Variants in ALDH7A1 observed in about 807,000 individuals in gnomAD.
ALDH7A1 encodes the protein alpha-aminoadipic semialdehyde dehydrogenase.
ALDH7A1 carries 63 observed loss-of-function variants against 79.9 expected under a neutral mutation model. The ratio of observed to expected loss-of-function variants is 0.79; its 90% CI spans 0.64 to 0.97. The LOEUF is 0.97. Among genes scored for constraint, ALDH7A1 ranks in the 50% least tolerant of loss-of-function variants. The pLI, the probability that ALDH7A1 is intolerant of heterozygous loss-of-function variation, is 0.00. For missense variants in ALDH7A1, 627 were observed against 665.2 expected, an observed-to-expected ratio of 0.94 and a Z score of 0.63; for synonymous variants, 240 against 231.2, an observed-to-expected ratio of 1.04 and a Z score of -0.34.
At chr5:126,593,162 A>G (rs574955368) in intron 2 of ALDH7A1, among the ~76,000 whole-genome samples, 189 bp downstream of exon 2, 1 of 152,328 alleles carries the variant, frequency 6.6e-6, no homozygotes, top group Admixed American at 6.5e-5. Flanking sequence ...AAGAGAGGAC[A>G]GTCTCCCCCA....
rs564440097 is a variant in ALDH7A1, at chr5:126,583,396, G to A, written c.394-422C>T. Among the ~76,000 whole-genome samples the A allele has an allele frequency of 1.2e-3, 186 of 152,034 alleles. 1 individual carries two copies. Among genetic ancestry groups the A allele is most frequent in the Non-Finnish European group, 2.0e-3 (135 of 67,984 alleles). On this transcript the variant is annotated intron_variant, in intron 4 of 17. Transcript: ENST00000409134. ...CTCGGGAGGCTGAGGCAGGAGAATC[G>A]CTTGAACCCAGGAGGGGGAGGTTGC... is the stretch of plus-strand genomic sequence containing the variant.
chr5:126,548,894 T>TAA (rs33926729), intron 16 of ALDH7A1, among the ~76,000 whole-genome samples: 31 of 93,370 alleles, frequency 3.3e-4, no homozygotes, highest in Middle Eastern at 6.8e-3. Context: ...GGCCTGTTTC[T>TAA]AAAAAAAAAA....
Position 126,565,551 on chromosome 5 carries a change from G to A in ALDH7A1, c.871+2708C>T, listed in dbSNP as rs368176903. 5.3e-5 allele frequency among the ~76,000 whole-genome samples: 8 copies of A among 151,954 alleles called. No homozygotes were observed. In the East Asian group the frequency reaches 7.7e-4, roughly 15 times the overall value. ...GACTTACAAACATTTTCTGCCATTC[G>A]GTAGGTTGTTCTTTTCACTTTTTCC... is the stretch of plus-strand genomic sequence containing the variant. On this transcript the variant is annotated intron_variant, in intron 9 of 17. Coordinates refer to ENST00000409134, the MANE Select transcript of ALDH7A1 (RefSeq NM_001182.5).
chr5:126,594,662 T>C (rs1298067039), intron 1 of ALDH7A1, among the ~76,000 whole-genome samples: 2 of 151,864 alleles, frequency 1.3e-5, no homozygotes, highest in East Asian at 1.9e-4. Context: ...GTCAGGCTGG[T>C]CTTGAACTCG....
In ALDH7A1 at chr5:126,595,056, C is replaced by T. The variant is rs920495967; in HGVS notation, c.143G>A (p.Arg48His). ...ATTATACACGCCCTCGTTTTCCTCG[C>T]GGAGCCCCAGCTCTTTCAGCCACGC... ...QYAWLKELGL[R>H]EENEGVYNGS... Residue 48 changes from arginine (R) to histidine (H), a missense_variant, in exon 1 of 18, where the codon CGC becomes CAC. Transcript: ENST00000409134. 3.1e-6 allele frequency: 5 copies of T among 1,609,896 alleles called. No individual in the cohort carries two copies. The highest frequency in any genetic ancestry group is 4.2e-6 in the Non-Finnish European group (5 of 1,178,328).
intron 2 of ALDH7A1, among the ~76,000 whole-genome samples, chr5:126,593,142 G>A (rs751937938): frequency 4.0e-5 from 6 of 151,724 alleles, no homozygotes; most frequent in Admixed American, 1.3e-4. Context: ...TCCTTTTCAC[G>A]CCCCCACCCA....
At position 126,543,964 on chromosome 5, in the gene ALDH7A1, C is replaced by CTTTTTTTTT. The variant is rs60217601; in HGVS notation, c.*992_*1000dup. 1.6e-5 allele frequency: 2 copies of CTTTTTTTTT among 122,062 alleles called. No individual in the cohort carries two copies. The highest frequency in any genetic ancestry group is 3.3e-5 in the Non-Finnish European group (2 of 59,962). The allele number at this position is 122,062 out of a possible 1,614,324, so 7.6% of individuals were successfully genotyped here. On this transcript the variant is annotated 3_prime_UTR_variant, in exon 18 of 18. Coordinates refer to ENST00000409134, the MANE Select transcript of ALDH7A1 (RefSeq NM_001182.5). ...GGTTGTATAAAAAAATCCAGATGCA[C>CTTTTTTTTT]TTTTTTTTTTTTTTTTTTTTGTAGA...
At chr5:126,583,099 T>G (rs1751229854) in intron 4 of ALDH7A1, 125 bp from the exon 5 acceptor site, 19 of 1,228,760 alleles carry the variant, frequency 1.5e-5, no homozygotes, top group Middle Eastern at 4.4e-4. Context: ...TCTGTTTCAT[T>G]TTCCAAAGAA....
chr5:126,585,374 C>A (rs757624635), intron 3 of ALDH7A1, among the ~76,000 whole-genome samples: 2 of 152,118 alleles, frequency 1.3e-5, no homozygotes, highest in Non-Finnish European at 2.9e-5. Context: ...GCCAATCACA[C>A]CCTCCCCCTA....
At chr5:126,570,950 T>C (rs1750749587) in intron 7 of ALDH7A1, 91 bp from the exon 8 acceptor site, 1 of 1,238,684 alleles carries the variant, frequency 8.1e-7, no homozygotes, top group Non-Finnish European at 1.2e-6. Flanking sequence ...TCTCCTTTTT[T>C]CAACTTTCTC....
At position 126,582,953 on chromosome 5, in the gene ALDH7A1, T is replaced by G. The variant is rs772989605; in HGVS notation, c.415A>C (p.Ile139Leu). ...GSLVSLEMGK[I>L]LVEGVGEVQE... ...ACTTCACCCACACCTTCCACTAAGA[T>G]TTTCCCCATCTCCAAAGACACCTAG... Residue 139 changes from isoleucine to leucine, a missense_variant, in exon 5 of 18, where the codon ATC (isoleucine) becomes CTC (leucine). By Grantham distance (5) the Ile-to-Leu change is conservative. Coordinates refer to ENST00000409134, the MANE Select transcript of ALDH7A1 (RefSeq NM_001182.5). 5 of 1,613,934 alleles carry G rather than the reference T, an allele frequency of 3.1e-6. No individual in the cohort carries two copies. Among genetic ancestry groups the G allele is most frequent in the Non-Finnish European group, 2.5e-6 (3 of 1,179,948 alleles).
intron 3 of ALDH7A1, among the ~76,000 whole-genome samples, chr5:126,585,118 T>C (rs1674704146): frequency 6.6e-6 from 1 of 151,954 alleles, no homozygotes; most frequent in Non-Finnish European, 1.5e-5. Context: ...GCCAACATGG[T>C]GAAACCCCAT....
At chr5:126,574,431 C>T (rs188625325) in intron 7 of ALDH7A1, among the ~76,000 whole-genome samples, 1 of 149,840 alleles carries the variant, frequency 6.7e-6, no homozygotes, top group Non-Finnish European at 1.5e-5. Context: ...CGTGGTGGCT[C>T]ATGCCTGTAA....
At chr5:126,593,633 A>C in intron 1 of ALDH7A1, 1 of 624,374 alleles carries the variant, frequency 1.6e-6, no homozygotes, top group East Asian at 2.8e-5. Context: ...CTGACATCTC[A>C]ATATTAGGCA....
chr5:126,559,728 C>T (rs898536075), intron 10 of ALDH7A1, among the ~76,000 whole-genome samples: 14 of 152,056 alleles, frequency 9.2e-5, no homozygotes, highest in African/African-American at 3.4e-4. Context: ...CCACTGTGCC[C>T]GGCAAACGTT....
chr5:126,566,883 A>G (rs1750601241), intron 9 of ALDH7A1, among the ~76,000 whole-genome samples: 2 of 152,218 alleles, frequency 1.3e-5, no homozygotes, highest in South Asian at 4.1e-4. Flanking sequence ...TTAATTTGCC[A>G]AATAGGACTA....
chr5:126,583,407 G>A (rs1419938563), intron 4 of ALDH7A1, among the ~76,000 whole-genome samples: 1 of 152,028 alleles, frequency 6.6e-6, no homozygotes, highest in Non-Finnish European at 1.5e-5. Context: ...CTTGAACCCA[G>A]GAGGGGGAGG....
intron 1 of ALDH7A1, chr5:126,594,368 A>T: frequency 2.3e-6 from 1 of 438,944 alleles, no homozygotes; most frequent in South Asian, 1.6e-5. Flanking sequence ...GCTCTAAATT[A>T]AGATCAGTTG....
At chr5:126,568,147 A>G (rs180731894) in intron 9 of ALDH7A1, 112 bp downstream of exon 9, 1 of 974,854 alleles carries the variant, frequency 1.0e-6, no homozygotes, top group East Asian at 2.4e-5. Flanking sequence ...ATTCAAATAA[A>G]CATGACCACT....
Sources: allele counts gnomAD v4.1 joint callset (sites outside exome capture counted in the v4.1 genomes callset), GRCh38; gene constraint gnomAD v4.1.1; transcripts MANE v1.5; gene names NCBI Gene and HGNC (gene_info 2026-07-23, HGNC 2026-07-21).